The following NANOS3 variants were observed in gnomAD, a reference collection of about 807,000 sequenced individuals.
NANOS3 encodes nanos homolog 3.
Under a neutral mutation model 13.8 loss-of-function variants are expected in NANOS3, and 11 were observed. The observed-to-expected ratio is 0.80, with a 90% CI of 0.50 to 1.32. NANOS3 has a LOEUF of 1.32. Among genes scored for constraint, NANOS3 ranks in the 40% most tolerant of loss-of-function variants. The pLI is 0.00. For missense variants in NANOS3, 221 were observed against 263.8 expected (o/e 0.84, Z 1.12); for synonymous variants, 119 against 115.4 (o/e 1.03, Z -0.20).
chr19:13,867,814 ACT>A (rs1228034267), intron 1 of NANOS3, among the ~76,000 whole-genome samples: 1 of 152,074 alleles, frequency 6.6e-6, no homozygotes, highest in African/African-American at 2.4e-5. Context: ...CCACAAAGAC[ACT>A]GTCACCCACA....
intron 1 of NANOS3, among the ~76,000 whole-genome samples, chr19:13,878,358 C>A (rs914258759): frequency 6.6e-6 from 1 of 151,320 alleles, no homozygotes; most frequent in Non-Finnish European, 1.5e-5. Context: ...TCTGCCTCAG[C>A]CTCCTGAGAA....
chr19:13,877,421 C>G lies in NANOS3; in HGVS notation c.173C>G (p.Pro58Arg). The G allele has an allele frequency of 3.1e-6, 5 of 1,612,282 alleles. No homozygotes were observed. The highest frequency in any genetic ancestry group is 4.2e-6 in the Non-Finnish European group (5 of 1,179,972). The change falls in exon 1 of 2, where the codon CCG (proline) becomes CGG (arginine). Residue 58 changes from proline (P) to arginine (R), a missense_variant. Pro to Arg is a moderately radical substitution (Grantham distance 103). Transcript: ENST00000339133. ...CCAGCGCCGGAGTCGGTGCCAGTGCCGGGACCCAAGGATCAGAAGCGCAGC... is the reference window on the plus strand; with the variant it reads ...CCAGCGCCGGAGTCGGTGCCAGTGCGGGGACCCAAGGATCAGAAGCGCAGC... ...PMPAPESVPV[P>R]GPKDQKRSLE... is the part of the protein sequence containing the mutation.
At chr19:13,880,374 G>C in intron 1 of NANOS3, 68 bp from the exon 2 acceptor site, 1 of 1,489,710 alleles carries the variant, frequency 6.7e-7, no homozygotes, top group East Asian at 2.3e-5. Flanking sequence ...GGCCGAGTCC[G>C]TGGGCAACTT....
chr19:13,862,438 G>A (rs1976172225), upstream of NANOS3, among the ~76,000 whole-genome samples: 1 of 152,218 alleles, frequency 6.6e-6, no homozygotes, highest in African/African-American at 2.4e-5. Flanking sequence ...CCCTGCTGGT[G>A]GCTGCAGGAA....
intron 1 of NANOS3, among the ~76,000 whole-genome samples, 183 bp from the exon 2 acceptor site, chr19:13,880,259 C>T (rs978015616): frequency 1.3e-5 from 2 of 152,124 alleles, no homozygotes; most frequent in African/African-American, 2.4e-5. Flanking sequence ...TGCTTTGTCT[C>T]GGGCTCTGGG....
upstream of NANOS3, among the ~76,000 whole-genome samples, chr19:13,863,597 GC>G (rs567380587): frequency 1.6e-4 from 24 of 150,928 alleles, 1 homozygote; most frequent in East Asian, 2.8e-3. Context: ...GAGCTGACTG[GC>G]CCCCCCCAAC....
chr19:13,876,308 T>TTGTGTGTGTG (rs111824565), upstream of NANOS3, among the ~76,000 whole-genome samples: 88 of 149,194 alleles, frequency 5.9e-4, no homozygotes, highest in Middle Eastern at 0.01. Context: ...CCAGCTAATT[T>TTGTGTGTGTG]TGTGTGTGTG....
At chr19:13,864,030 C>T (rs892262965), upstream of NANOS3, among the ~76,000 whole-genome samples, 6 of 152,076 alleles carry the variant, frequency 3.9e-5, no homozygotes, top group African/African-American at 1.2e-4. Context: ...GATAAATAAA[C>T]AGAATGAGAA....
chr19:13,880,701 C>T lies in NANOS3; in HGVS notation c.*198C>T. ...CACCCTTTGTGCCATCTGCCGTTTC[C>T]CTAGTGCTGGGCATCCAGTCAGCCC... On this transcript the variant is annotated 3_prime_UTR_variant, in exon 2 of 2. Transcript: ENST00000339133. The T allele has an allele frequency of 1.7e-6, 1 of 587,508 alleles. No individual in the cohort carries two copies. The highest frequency in any genetic ancestry group is 2.1e-5 in the South Asian group (1 of 47,424). The allele number at this position is 587,508 out of a possible 1,614,324, so 36.4% of individuals were successfully genotyped here.
At chr19:13,880,421 C>T in intron 1 of NANOS3, 21 bp from the exon 2 acceptor site, 1 of 1,612,216 alleles carries the variant, frequency 6.2e-7, no homozygotes, top group Non-Finnish European at 8.5e-7. Flanking sequence ...TTAAGCATTT[C>T]TCTCCCTCCC....
At chr19:13,866,888 TACACAC>T (rs538019819) in intron 1 of NANOS3, among the ~76,000 whole-genome samples, 1 of 151,292 alleles carries the variant, frequency 6.6e-6, no homozygotes, top group Non-Finnish European at 1.5e-5. Context: ...CACACACACA[TACACAC>T]ACACACAGAC....
chr19:13,873,900 G>T (rs188748085), upstream of NANOS3, among the ~76,000 whole-genome samples: 239 of 142,244 alleles, frequency 1.7e-3, 1 homozygote, highest in African/African-American at 5.8e-3. Flanking sequence ...AGGCCTGGGG[G>T]CACCCGGGGC....
upstream of NANOS3, chr19:13,877,101 A>T: frequency 1.4e-6 from 1 of 710,378 alleles, no homozygotes; most frequent in East Asian, 2.5e-5. Flanking sequence ...ACCCCCTTGG[A>T]GGTAAAAGGA....
chr19:13,862,046 G>C (rs942652968), upstream of NANOS3: 2 of 152,436 alleles, frequency 1.3e-5, no homozygotes, highest in Non-Finnish European at 2.9e-5. Flanking sequence ...AGAGGAGTCT[G>C]GGGGGTGAGA....
chr19:13,871,674 C>A (rs1976329460), intron 1 of NANOS3, among the ~76,000 whole-genome samples: 1 of 152,070 alleles, frequency 6.6e-6, no homozygotes. Flanking sequence ...TGCCTGATGA[C>A]CCCCCGCCCC....
chr19:13,877,730 A>C lies in NANOS3; in HGVS notation c.482A>C (p.Asp161Ala), dbSNP rs1968546046. 6.3e-7 allele frequency: 1 copy of C among 1,593,642 alleles called. No homozygotes were observed. Among genetic ancestry groups the C allele is most frequent in the South Asian group, 1.1e-5 (1 of 89,094 alleles). Residue 161 changes from aspartate to alanine, a missense_variant, in exon 1 of 2, where the codon GAC (aspartate) becomes GCC (alanine). This residue lies in a region of NANOS3 where 60 missense variants were observed against 56.5 expected (regional missense o/e 1.06). Coordinates refer to ENST00000339133, the MANE Select transcript of NANOS3 (RefSeq NM_001098622.3). ...LVRPDKAKTQ[D>A]TGHRRGGGGG... ...CGGCCTGACAAGGCGAAGACACAGG[A>C]CACAGGCCACCGCCGAGGAGGAGGA...
intron 1 of NANOS3, among the ~76,000 whole-genome samples, chr19:13,878,414 T>C (rs1968562625): frequency 6.6e-6 from 1 of 151,046 alleles, no homozygotes; most frequent in Non-Finnish European, 1.5e-5. Context: ...AATTTTTGTA[T>C]TTTTAGTAGA....
upstream of NANOS3, among the ~76,000 whole-genome samples, chr19:13,863,177 C>T (rs1038642907): frequency 1.3e-4 from 20 of 151,962 alleles, 1 homozygote; most frequent in Non-Finnish European, 7.4e-5. Context: ...CAACCCCTTC[C>T]GCCTCTTTTT....
chr19:13,863,230 G>C (rs1003289938), upstream of NANOS3, among the ~76,000 whole-genome samples: 1 of 151,870 alleles, frequency 6.6e-6, no homozygotes, highest in South Asian at 2.1e-4. Context: ...TTTTTTTAGA[G>C]ATGAAGTCTC....
Sources: allele counts gnomAD v4.1 joint callset (sites outside exome capture counted in the v4.1 genomes callset), GRCh38; gene constraint gnomAD v4.1.1; regional missense constraint gnomAD v4.1.1; transcripts MANE v1.5; gene names NCBI Gene and HGNC (gene_info 2026-07-23, HGNC 2026-07-21).